Variants in PARM1 observed in about 807,000 individuals in gnomAD.
PARM1 encodes the protein prostate androgen-regulated mucin-like protein 1, also known as WSC4, cell wall integrity and stress response component 4 homolog.
A neutral mutation model predicts 24.6 loss-of-function variants in PARM1; 14 were observed. That is an observed-to-expected ratio of 0.57 (90% CI 0.38 to 0.89). The LOEUF (loss-of-function observed/expected upper bound fraction) is 0.89, where lower values mean the gene tolerates loss of function less well. PARM1 is among the 40% of genes least tolerant of loss of function. The pLI is 0.00. For synonymous variants in PARM1, 179 were observed against 156.6 expected (o/e 1.14, Z -1.07); for missense variants, 362 against 380.4 (o/e 0.95, Z 0.40).
At chr4:75,021,382 G>A (rs1196300189) in intron 2 of PARM1, among the ~76,000 whole-genome samples, 2 of 151,944 alleles carry the variant, frequency 1.3e-5, no homozygotes, top group Admixed American at 1.3e-4. Flanking sequence ...TAGACTCCAA[G>A]GCTGCCAATG....
intron 1 of PARM1, among the ~76,000 whole-genome samples, chr4:74,994,870 C>A (rs955915217): frequency 6.6e-6 from 1 of 151,688 alleles, no homozygotes; most frequent in Non-Finnish European, 1.5e-5. Flanking sequence ...ATTGTCACTA[C>A]AATAAGCTTA....
rs1020337721 is a variant in PARM1, at chr4:75,048,223, A to G, written c.*1976A>G. 11 of 152,156 alleles carry G rather than the reference A, an allele frequency of 7.2e-5. No individual in the cohort carries two copies. The highest frequency in any genetic ancestry group is 2.7e-4 in the African/African-American group (11 of 41,436). The allele number at this position is 152,156 out of a possible 1,614,324, so 9.4% of individuals were successfully genotyped here. On this transcript the variant is annotated 3_prime_UTR_variant, in exon 4 of 4. Coordinates refer to ENST00000307428, the MANE Select transcript of PARM1 (RefSeq NM_015393.4). ...ACACACTGGAGTAATTCTGAAAAAA[A>G]TTATTCCTAAACTCTCTAAGTGTGG...
At chr4:75,029,660 A>C (rs1259831977) in intron 2 of PARM1, among the ~76,000 whole-genome samples, 2 of 152,124 alleles carry the variant, frequency 1.3e-5, no homozygotes, top group Non-Finnish European at 2.9e-5. Flanking sequence ...ATGAGAATGG[A>C]CTAATTCATT....
chr4:75,046,595 C>T lies in PARM1; in HGVS notation c.*348C>T. ...GGGTTGTTTTGTTAGGGGTTACTTT[C>T]AGGGGAACATTTCATTTGTGTTATT... On this transcript the variant is annotated 3_prime_UTR_variant, in exon 4 of 4. Transcript: ENST00000307428. 5.2e-6 allele frequency: 1 copy of T among 193,758 alleles called. No homozygotes were observed. Among genetic ancestry groups the T allele is most frequent in the Non-Finnish European group, 1.1e-5 (1 of 93,856 alleles). The allele number at this position is 193,758 out of a possible 1,614,324, so 12.0% of individuals were successfully genotyped here.
intron 2 of PARM1, among the ~76,000 whole-genome samples, chr4:75,029,504 C>G (rs1293488131): frequency 6.6e-6 from 1 of 152,128 alleles, no homozygotes; most frequent in Non-Finnish European, 1.5e-5. Context: ...GTTACCCTGC[C>G]CATGCTCTCT....
At chr4:75,034,683 C>G in intron 3 of PARM1, 1 of 152,178 alleles carries the variant, frequency 6.6e-6, no homozygotes, top group Non-Finnish European at 1.5e-5. Flanking sequence ...CTGTAAAATG[C>G]CAGATGGCAA....
intron 1 of PARM1, chr4:74,956,251 T>C (rs1721630989): frequency 6.6e-6 from 1 of 152,172 alleles, no homozygotes; most frequent in Non-Finnish European, 1.5e-5. Flanking sequence ...TACTCCAAGT[T>C]TGCACTTTTT....
intron 3 of PARM1, among the ~76,000 whole-genome samples, chr4:75,040,153 A>G (rs1723453280): frequency 6.6e-6 from 1 of 152,228 alleles, no homozygotes. Flanking sequence ...CAGCAGTAAC[A>G]TTCGTTTACT....
chr4:75,045,622 A>G (rs1466033479), intron 3 of PARM1, among the ~76,000 whole-genome samples: 1 of 152,154 alleles, frequency 6.6e-6, no homozygotes, highest in African/African-American at 2.4e-5. Flanking sequence ...TCTGAGCCCC[A>G]TTTTCCTTGT....
chr4:75,009,861 A>G (rs1722839602), intron 1 of PARM1, among the ~76,000 whole-genome samples: 1 of 152,248 alleles, frequency 6.6e-6, no homozygotes. Flanking sequence ...AGAAGAGACA[A>G]TAAATAAGTG....
intron 1 of PARM1, among the ~76,000 whole-genome samples, chr4:74,968,051 C>T (rs970977802): frequency 6.6e-6 from 1 of 152,204 alleles, no homozygotes; most frequent in African/African-American, 2.4e-5. Flanking sequence ...TTAATTCTAG[C>T]ACCATCTCTT....
chr4:75,025,409 A>G (rs1723164563), intron 2 of PARM1, among the ~76,000 whole-genome samples: 1 of 152,246 alleles, frequency 6.6e-6, no homozygotes, highest in Non-Finnish European at 1.5e-5. Context: ...CATTATTCTT[A>G]GAAAACCAGT....
Position 75,012,796 on chromosome 4 carries a change from T to TA in PARM1, c.415_416insA (p.Ser139TyrfsTer6), listed in dbSNP as rs1167233712. On this transcript the variant is annotated frameshift_variant, in exon 2 of 4. Transcript: ENST00000307428. LOFTEE classifies it high-confidence loss of function. ...TGAAGCAGGCGTGGCAGCTACACTG[T>TA]CGCAGTCCGCTGCTGAGCCTCCCAC... 10 of 1,613,976 alleles carry TA rather than the reference T, an allele frequency of 6.2e-6. No individual in the cohort carries two copies. The highest frequency in any genetic ancestry group is 5.9e-6 in the Non-Finnish European group (7 of 1,179,888).
In PARM1 at chr4:75,033,977, C is replaced by T. The variant is rs1375588472; in HGVS notation, c.848+16C>T. Reference sequence around the variant, plus strand: ...TAAAAATCAGGTGAGACGCAGCTTACTCTTAAAAAAAAGGGATTCTGTTTT... The same window carrying T: ...TAAAAATCAGGTGAGACGCAGCTTATTCTTAAAAAAAAGGGATTCTGTTTT... On this transcript the variant is annotated intron_variant, in intron 3 of 3. Coordinates refer to ENST00000307428, the MANE Select transcript of PARM1 (RefSeq NM_015393.4). The T allele has an allele frequency of 6.3e-7, 1 of 1,575,904 alleles. No homozygotes were observed. The highest frequency in any genetic ancestry group is 8.6e-7 in the Non-Finnish European group (1 of 1,158,766).
intron 1 of PARM1, among the ~76,000 whole-genome samples, chr4:74,952,386 G>A (rs550217772): frequency 6.6e-6 from 1 of 152,228 alleles, no homozygotes; most frequent in African/African-American, 2.4e-5. Context: ...CATTCTGTAG[G>A]TTGCCTGTTC....
At chr4:74,969,933 G>A (rs1452824459) in intron 1 of PARM1, 1 of 152,224 alleles carries the variant, frequency 6.6e-6, no homozygotes, top group Non-Finnish European at 1.5e-5. Flanking sequence ...TGAGCTCCCA[G>A]GGTTCTTAAC....
intron 1 of PARM1, among the ~76,000 whole-genome samples, chr4:74,983,934 C>A (rs567374197): frequency 2.0e-5 from 3 of 152,246 alleles, no homozygotes; most frequent in African/African-American, 4.8e-5. Flanking sequence ...CTCCAGTGAT[C>A]GATTGCTTGA....
chr4:75,004,607 G>A (rs958984033), intron 1 of PARM1, among the ~76,000 whole-genome samples: 2 of 152,130 alleles, frequency 1.3e-5, no homozygotes, highest in Non-Finnish European at 2.9e-5. Flanking sequence ...GCTCATGAGG[G>A]GTAAACTGGA....
At chr4:74,945,515 A>G (rs1485702718) in intron 1 of PARM1, among the ~76,000 whole-genome samples, 1 of 152,240 alleles carries the variant, frequency 6.6e-6, no homozygotes, top group African/African-American at 2.4e-5. Context: ...TGTAATGGTT[A>G]GAGAAGGTTC....
Sources: allele counts gnomAD v4.1 joint callset (sites outside exome capture counted in the v4.1 genomes callset), GRCh38; gene constraint gnomAD v4.1.1; transcripts MANE v1.5; gene names NCBI Gene and HGNC (gene_info 2026-07-23, HGNC 2026-07-21).